Variants in DLG2 observed in about 807,000 individuals in gnomAD.
DLG2 encodes disks large homolog 2.
A neutral mutation model predicts 132.5 loss-of-function variants in DLG2; 45 were observed. That is an observed-to-expected ratio of 0.34 (90% CI 0.27 to 0.44). The LOEUF is 0.44. Among genes scored for constraint, DLG2 ranks in the 20% least tolerant of loss-of-function variants. DLG2 has a pLI of 1.00. For synonymous variants in DLG2, 424 were observed against 419.6 expected, an observed-to-expected ratio of 1.01 and a Z score of -0.13; for missense variants, 1,045 against 1,196.9, an observed-to-expected ratio of 0.87 and a Z score of 1.87.
intron 18 of DLG2, among the ~76,000 whole-genome samples, chr11:83,708,227 T>C (rs979431258): frequency 1.3e-5 from 2 of 152,196 alleles, no homozygotes; most frequent in Non-Finnish European, 2.9e-5. Context: ...CAGTGGCACA[T>C]ATGGGAAAAT....
At chr11:84,779,059 G>T (rs891669765) in intron 6 of DLG2, among the ~76,000 whole-genome samples, 47 of 152,074 alleles carry the variant, frequency 3.1e-4, no homozygotes, top group Non-Finnish European at 2.2e-4. Context: ...TACTTTTGAG[G>T]TTTTGGGACT....
intron 8 of DLG2, among the ~76,000 whole-genome samples, chr11:84,201,367 T>G (rs1051758304): frequency 6.6e-6 from 1 of 152,216 alleles, no homozygotes; most frequent in Non-Finnish European, 1.5e-5. Flanking sequence ...TTGAGGTTTT[T>G]GCATCAATGT....
At chr11:83,756,408 T>C in intron 18 of DLG2, among the ~76,000 whole-genome samples, 1 of 151,448 alleles carries the variant, frequency 6.6e-6, no homozygotes, top group East Asian at 1.9e-4. Flanking sequence ...CTGAGATATA[T>C]TGCTAATTTT....
At position 83,839,300 on chromosome 11, in the gene DLG2, T is replaced by G. The variant is rs113737247; in HGVS notation, c.1566-5530A>C. 9.7e-3 allele frequency among the ~76,000 whole-genome samples: 1,472 copies of G among 152,290 alleles called. 34 individuals carry two copies. Among genetic ancestry groups the G allele is most frequent in the African/African-American group, 0.034 (1,395 of 41,556 alleles). On this transcript the variant is annotated intron_variant, in intron 16 of 27. Coordinates refer to ENST00000376104, the MANE Select transcript of DLG2 (RefSeq NM_001142699.3). ...TAGTTAATTATGATACTTACTTTAA[T>G]AGTGAAGATAAATGACAAAAAATAA...
At chr11:83,505,500 T>C (rs1031981956) in intron 21 of DLG2, among the ~76,000 whole-genome samples, 1 of 152,252 alleles carries the variant, frequency 6.6e-6, no homozygotes. Flanking sequence ...CCTCCTCTGC[T>C]GAGGTCACCC....
intron 6 of DLG2, among the ~76,000 whole-genome samples, chr11:84,843,520 T>G (rs929690315): frequency 6.6e-6 from 1 of 151,862 alleles, no homozygotes; most frequent in Non-Finnish European, 1.5e-5. Flanking sequence ...CTTTGTATAA[T>G]AGGGAGAGAT....
At chr11:84,612,346 A>G (rs1356766267) in intron 6 of DLG2, among the ~76,000 whole-genome samples, 1 of 151,924 alleles carries the variant, frequency 6.6e-6, no homozygotes, top group East Asian at 1.9e-4. Flanking sequence ...ATATTTGGGT[A>G]TTTCCACCAT....
At chr11:84,900,394 G>C (rs1020679594) in intron 6 of DLG2, among the ~76,000 whole-genome samples, 2 of 152,012 alleles carry the variant, frequency 1.3e-5, no homozygotes, top group Non-Finnish European at 2.9e-5. Flanking sequence ...AACTCTAACA[G>C]GCACTGGGAA....
chr11:84,401,200 C>G (rs2098828174), intron 7 of DLG2, among the ~76,000 whole-genome samples: 2 of 152,058 alleles, frequency 1.3e-5, no homozygotes, highest in South Asian at 4.2e-4. Flanking sequence ...ACCAGCTTCC[C>G]CCATAGAAGA....
intron 7 of DLG2, among the ~76,000 whole-genome samples, chr11:84,428,329 T>C (rs2098973541): frequency 6.6e-6 from 1 of 152,222 alleles, no homozygotes; most frequent in Admixed American, 6.5e-5. Context: ...CCTTGGGCAC[T>C]AAAAACCACT....
At chr11:83,659,111 C>A (rs2073553957) in intron 18 of DLG2, among the ~76,000 whole-genome samples, 1 of 152,066 alleles carries the variant, frequency 6.6e-6, no homozygotes, top group East Asian at 1.9e-4. Flanking sequence ...ATAAGGAATA[C>A]AACAATGATT....
At chr11:85,046,676 A>G (rs1057497405) in intron 6 of DLG2, among the ~76,000 whole-genome samples, 2 of 151,852 alleles carry the variant, frequency 1.3e-5, no homozygotes, top group Non-Finnish European at 2.9e-5. Context: ...AATTTCACAG[A>G]AGGCCAAAAA....
Position 84,356,138 on chromosome 11 carries a change from A to G in DLG2, c.520-104847T>C, listed in dbSNP as rs192539197. ...CACCTAAGATAAATGCTTCAGACTC[A>G]GTTTTTGTTTGTTTTTGGTTTTGGT... is the stretch of plus-strand genomic sequence containing the variant. On this transcript the variant is annotated intron_variant, in intron 7 of 27. Transcript: ENST00000376104. Among the ~76,000 whole-genome samples the G allele has an allele frequency of 1.1e-3, 168 of 152,248 alleles. 1 individual carries two copies. The highest frequency in any genetic ancestry group is 3.9e-3 in the African/African-American group (164 of 41,566).
intron 13 of DLG2, 49 bp downstream of exon 13, chr11:83,965,275 C>A: frequency 6.4e-7 from 1 of 1,552,100 alleles, no homozygotes; most frequent in South Asian, 1.2e-5. Context: ...TTATAGAATT[C>A]CAGTTCTGCA....
rs1033220764 is a variant in DLG2 at position 84,718,367 on chromosome 11, G to A, written c.358-183636C>T. On this transcript the variant is annotated intron_variant, in intron 6 of 27. Transcript: ENST00000376104. ...CTCATAAAGTGAATTTGTTAAATCC[G>A]AATACCAAAAGGAAGAGAACATAAA... Among the ~76,000 whole-genome samples, 8 of 151,718 alleles carry A rather than the reference G, an allele frequency of 5.3e-5. No homozygotes were observed. In the South Asian group the frequency reaches 6.2e-4, roughly 12 times the overall value.
chr11:84,862,393 G>A (rs541901066), intron 6 of DLG2, among the ~76,000 whole-genome samples: 6 of 152,048 alleles, frequency 3.9e-5, no homozygotes, highest in South Asian at 4.2e-4. Flanking sequence ...TAGTTCAACC[G>A]TTGTGGAAGA....
chr11:85,191,404 C>G (rs999020557), intron 4 of DLG2, among the ~76,000 whole-genome samples: 1 of 152,078 alleles, frequency 6.6e-6, no homozygotes, highest in Non-Finnish European at 1.5e-5. Flanking sequence ...AACACACACA[C>G]ACACGTTGTT....
At chr11:84,319,622 C>T (rs981086820) in intron 7 of DLG2, among the ~76,000 whole-genome samples, 6 of 152,252 alleles carry the variant, frequency 3.9e-5, no homozygotes, top group East Asian at 1.9e-4. Flanking sequence ...TCTGGCTTGA[C>T]ACTACTCAAG....
At chr11:85,073,280 C>T (rs2154168066) in intron 6 of DLG2, among the ~76,000 whole-genome samples, 1 of 151,884 alleles carries the variant, frequency 6.6e-6, no homozygotes, top group East Asian at 1.9e-4. Flanking sequence ...CCTTTGTCTC[C>T]TCTGTGATGG....
Sources: gnomAD v4.1 joint callset for allele counts (sites outside exome capture counted in the v4.1 genomes callset) on GRCh38, gnomAD v4.1.1 for gene constraint, MANE v1.5 for transcripts, NCBI Gene and HGNC (gene_info 2026-07-23, HGNC 2026-07-21) for gene names.